Variants in NPSR1 observed in about 807,000 individuals in gnomAD.
NPSR1 encodes the protein neuropeptide S receptor 1.
A neutral mutation model predicts 46.9 loss-of-function variants in NPSR1; 48 were observed. The observed-to-expected ratio is 1.02, with a 90% CI of 0.81 to 1.30. The LOEUF (loss-of-function observed/expected upper bound fraction) is 1.30. NPSR1 is among the 50% of genes most tolerant of loss of function. The probability of loss-of-function intolerance (pLI) is 0.00; values close to 1 mark genes in which losing one functional copy is unlikely to be tolerated. For missense variants in NPSR1, 450 were observed against 449.5 expected (o/e 1.00, Z -0.01); for synonymous variants, 176 against 168.1 (o/e 1.05, Z -0.36).
intron 2 of NPSR1, among the ~76,000 whole-genome samples, chr7:34,753,928 C>A (rs1430854459): frequency 1.2e-4 from 19 of 152,080 alleles, no homozygotes; most frequent in Non-Finnish European, 2.8e-4. Flanking sequence ...GGGATCAGGG[C>A]AGCCCAAAGG....
chr7:34,707,528 G>A (rs538422961), intron 2 of NPSR1, among the ~76,000 whole-genome samples: 32 of 152,302 alleles, frequency 2.1e-4, no homozygotes, highest in African/African-American at 7.0e-4. Context: ...ATTTACTCCT[G>A]CTTTGCTTTC....
At chr7:34,731,886 A>G (rs557549129) in intron 2 of NPSR1, among the ~76,000 whole-genome samples, 8 of 152,240 alleles carry the variant, frequency 5.3e-5, no homozygotes, top group African/African-American at 1.9e-4. Flanking sequence ...CATAATAAAA[A>G]TAAGCAACAC....
intron 2 of NPSR1, among the ~76,000 whole-genome samples, chr7:34,768,952 T>C (rs923244934): frequency 2.0e-5 from 3 of 152,086 alleles, no homozygotes; most frequent in Non-Finnish European, 4.4e-5. Context: ...TAGCAGACAG[T>C]GGTGCTATCA....
intron 2 of NPSR1, among the ~76,000 whole-genome samples, chr7:34,721,745 G>A (rs182723050): frequency 6.0e-4 from 91 of 152,234 alleles, no homozygotes; most frequent in South Asian, 2.3e-3. Flanking sequence ...TTCATATGCC[G>A]CCGAATTTAT....
intron 2 of NPSR1, among the ~76,000 whole-genome samples, chr7:34,769,333 G>A (rs1248537989): frequency 6.6e-6 from 1 of 151,962 alleles, no homozygotes; most frequent in Admixed American, 6.6e-5. Context: ...TAATTAAATG[G>A]TAATTCCAGT....
Position 34,680,616 on chromosome 7 carries a change from C to T in NPSR1, c.148-3936C>T, listed in dbSNP as rs112818650. ...TAGCTTCAAACTGGAAACCACCCAA[C>T]TGTCTATCAAATACATGAGATCAAT... On this transcript the variant is annotated intron_variant, in intron 1 of 8. Transcript: ENST00000360581. Among the ~76,000 whole-genome samples, 1,400 of 152,260 alleles carry T rather than the reference C, an allele frequency of 9.2e-3. 21 individuals carry two copies. The highest frequency in any genetic ancestry group is 0.032 in the African/African-American group (1,341 of 41,548).
chr7:34,807,633 T>C (rs1173736260), intron 3 of NPSR1, among the ~76,000 whole-genome samples: 2 of 152,318 alleles, frequency 1.3e-5, no homozygotes, highest in East Asian at 3.9e-4. Context: ...CTAAGTGATG[T>C]GGTTTAAAAT....
chr7:34,765,692 TG>T (rs1786394704), intron 2 of NPSR1, among the ~76,000 whole-genome samples: 1 of 152,228 alleles, frequency 6.6e-6, no homozygotes, highest in Non-Finnish European at 1.5e-5. Context: ...ATCAATGGAT[TG>T]GATTAAAAAA....
At chr7:34,855,888 A>C (rs1302949054) in intron 8 of NPSR1, among the ~76,000 whole-genome samples, 1 of 152,204 alleles carries the variant, frequency 6.6e-6, no homozygotes, top group Admixed American at 6.5e-5. Flanking sequence ...CGTTACATTA[A>C]TAGATTACAG....
At chr7:34,849,455 G>C in intron 8 of NPSR1, 110 bp from the exon 9 acceptor site, 2 of 1,602,482 alleles carry the variant, frequency 1.2e-6, no homozygotes, top group East Asian at 2.2e-5. Flanking sequence ...GCCTGGCACA[G>C]TTGTCTGACA....
At chr7:34,749,599 T>C (rs1243155756) in intron 2 of NPSR1, among the ~76,000 whole-genome samples, 1 of 152,136 alleles carries the variant, frequency 6.6e-6, no homozygotes, top group Non-Finnish European at 1.5e-5. Flanking sequence ...CCAATTACAC[T>C]CAAAATAATT....
At chr7:34,699,257 A>C (rs893045201) in intron 2 of NPSR1, among the ~76,000 whole-genome samples, 2 of 152,178 alleles carry the variant, frequency 1.3e-5, no homozygotes, top group Admixed American at 6.5e-5. Context: ...TGGTGAGTAG[A>C]TCCCCTGTGT....
At chr7:34,691,397 A>G (rs1263669760) in intron 2 of NPSR1, among the ~76,000 whole-genome samples, 2 of 152,210 alleles carry the variant, frequency 1.3e-5, no homozygotes, top group Admixed American at 1.3e-4. Context: ...AATGGCCTAA[A>G]TATTCCACTT....
chr7:34,722,250 T>C (rs1167615479), intron 2 of NPSR1, among the ~76,000 whole-genome samples: 2 of 152,266 alleles, frequency 1.3e-5, no homozygotes, highest in Non-Finnish European at 2.9e-5. Flanking sequence ...GGACAAAACA[T>C]ACCTATAATG....
intron 4 of NPSR1, among the ~76,000 whole-genome samples, chr7:34,822,287 C>G (rs1431397968): frequency 6.6e-6 from 1 of 152,036 alleles, no homozygotes; most frequent in Non-Finnish European, 1.5e-5. Flanking sequence ...TGAGAGAAAG[C>G]CGTAGAAAGA....
At chr7:34,791,851 A>T (rs1465694297) in intron 3 of NPSR1, among the ~76,000 whole-genome samples, 1 of 152,172 alleles carries the variant, frequency 6.6e-6, no homozygotes, top group Non-Finnish European at 1.5e-5. Flanking sequence ...GAAGGCAGAC[A>T]TATAGACAGA....
chr7:34,686,657 C>T (rs1792942043), intron 2 of NPSR1, among the ~76,000 whole-genome samples: 1 of 152,212 alleles, frequency 6.6e-6, no homozygotes, highest in Admixed American at 6.5e-5. Flanking sequence ...TGCTCTCTCT[C>T]ACCAGTATCT....
At chr7:34,870,567 G>A (rs995385321) in intron 8 of NPSR1, among the ~76,000 whole-genome samples, 1 of 151,772 alleles carries the variant, frequency 6.6e-6, no homozygotes, top group Non-Finnish European at 1.5e-5. Flanking sequence ...AATGCCTTAT[G>A]TAAATGGTTG....
chr7:34,809,352 C>A (rs555704713), intron 3 of NPSR1, among the ~76,000 whole-genome samples: 1 of 151,602 alleles, frequency 6.6e-6, no homozygotes, highest in Non-Finnish European at 1.5e-5. Flanking sequence ...TTTTTTTAAA[C>A]CTTTTTTCTA....
Sources: allele counts gnomAD v4.1 joint callset (sites outside exome capture counted in the v4.1 genomes callset), GRCh38; gene constraint gnomAD v4.1.1; transcripts MANE v1.5; gene names NCBI Gene and HGNC (gene_info 2026-07-23, HGNC 2026-07-21).